The following KANK1 variants were observed in gnomAD, a reference collection of about 807,000 sequenced individuals.
KANK1 encodes the protein KN motif and ankyrin repeat domains 1, also known as KN motif and ankyrin repeat domain-containing protein 1.
KANK1 carries 109 observed loss-of-function variants against 106.2 expected under a neutral mutation model. The observed-to-expected ratio is 1.03, with a 90% CI of 0.88 to 1.20. The LOEUF is 1.20. KANK1 is among the 50% of genes most tolerant of loss of function. The probability of loss-of-function intolerance (pLI) is 0.00; values close to 1 mark genes in which losing one functional copy is unlikely to be tolerated. For synonymous variants in KANK1, 873 were observed against 652.2 expected (o/e 1.34, Z -5.16); for missense variants, 2,399 against 1,710.7 (o/e 1.40, Z -7.10).
At chr9:547,733 C>G (rs1208283383) in intron 1 of KANK1, among the ~76,000 whole-genome samples, 1 of 142,980 alleles carries the variant, frequency 7.0e-6, no homozygotes, top group Non-Finnish European at 1.6e-5. Flanking sequence ...TATGAGCATG[C>G]TTTTCTTGTG....
Position 540,343 on chromosome 9 carries a change from A to G in KANK1, c.-84+35589A>G, listed in dbSNP as rs2060529577. On this transcript the variant is annotated intron_variant, in intron 1 of 11. Transcript: ENST00000382297. ...ACGTGGTATTAGTTAATTTTAATTA[A>G]TTTGCATATGTTGAACCATCTTTGC... Among the ~76,000 whole-genome samples, 2 of 152,186 alleles carry G rather than the reference A, an allele frequency of 1.3e-5. 1 individual carries two copies. The highest frequency in any genetic ancestry group is 1.3e-4 in the Admixed American group (2 of 15,272).
At chr9:739,443 G>T (rs1010194741) in intron 8 of KANK1, among the ~76,000 whole-genome samples, 1 of 152,168 alleles carries the variant, frequency 6.6e-6, no homozygotes, top group Non-Finnish European at 1.5e-5. Context: ...AGAAAGCCAA[G>T]CAGATTTATC....
At chr9:593,923 C>G (rs986056828) in intron 1 of KANK1, among the ~76,000 whole-genome samples, 3 of 151,910 alleles carry the variant, frequency 2.0e-5, no homozygotes, top group Admixed American at 6.6e-5. Context: ...CTTCCCTCCC[C>G]CAGCCATGGG....
intron 8 of KANK1, among the ~76,000 whole-genome samples, chr9:739,078 C>G (rs968196555): frequency 5.3e-5 from 8 of 152,236 alleles, no homozygotes; most frequent in African/African-American, 1.7e-4. Flanking sequence ...TGTCTCTCAA[C>G]CATAATAGAA....
intron 1 of KANK1, among the ~76,000 whole-genome samples, chr9:565,216 C>T (rs568079938): frequency 4.9e-4 from 74 of 152,200 alleles, no homozygotes; most frequent in African/African-American, 1.7e-3. Flanking sequence ...AAGATCTTTC[C>T]CACCCATTCA....
intron 1 of KANK1, among the ~76,000 whole-genome samples, chr9:664,525 G>T (rs1187380000): frequency 6.6e-6 from 1 of 152,024 alleles, no homozygotes; most frequent in Non-Finnish European, 1.5e-5. Context: ...TCAAACTCCT[G>T]GACTCAAGCG....
rs150753716 is a variant in KANK1 at position 581,393 on chromosome 9, C to G, written c.-84+76639C>G. 8.3e-4 allele frequency among the ~76,000 whole-genome samples: 127 copies of G among 152,316 alleles called. 1 individual carries two copies. The highest frequency in any genetic ancestry group is 2.8e-3 in the African/African-American group (118 of 41,578). ...TTCTTTGTGAAATGCTTGCATGATA[C>G]AAGAGCCTTCTCGTAAATCTGTTTT... On this transcript the variant is annotated intron_variant, in intron 1 of 11. Coordinates refer to ENST00000382297, the MANE Select transcript of KANK1 (RefSeq NM_015158.5).
At chr9:505,591 C>A (rs2132613561) in intron 1 of KANK1, among the ~76,000 whole-genome samples, 1 of 152,364 alleles carries the variant, frequency 6.6e-6, no homozygotes, top group East Asian at 1.9e-4. Context: ...TCAGAGGCAA[C>A]TGTTCTTGGT....
chr9:474,124 CTGAG>C (rs2058065561), intron 3 of KANK1, among the ~76,000 whole-genome samples: 1 of 152,284 alleles, frequency 6.6e-6, no homozygotes, highest in Admixed American at 6.5e-5. Flanking sequence ...CCAAGCCTTC[CTGAG>C]TGTCATCAGT....
chr9:488,194 G>T (rs562494877), intron 3 of KANK1, among the ~76,000 whole-genome samples: 1 of 152,262 alleles, frequency 6.6e-6, no homozygotes, highest in Admixed American at 6.5e-5. Flanking sequence ...TATGGTTCTT[G>T]GGTAATGTGT....
Position 745,262 on chromosome 9 carries a change from A to T in KANK1, c.*27A>T. On this transcript the variant is annotated 3_prime_UTR_variant, in exon 12 of 12. Coordinates refer to ENST00000382297, the MANE Select transcript of KANK1 (RefSeq NM_015158.5). ...TGTATGCAAATAGCCCTTTATTTAC[A>T]TGCCACTATTAAGCTGCTAATTGTT... The T allele has an allele frequency of 6.2e-7, 1 of 1,613,804 alleles. No individual in the cohort carries two copies. Among genetic ancestry groups the T allele is most frequent in the Non-Finnish European group, 8.5e-7 (1 of 1,179,724 alleles).
At chr9:545,894 C>G (rs1376834316) in intron 1 of KANK1, among the ~76,000 whole-genome samples, 1 of 151,932 alleles carries the variant, frequency 6.6e-6, no homozygotes, top group Non-Finnish European at 1.5e-5. Context: ...TACAGGCATG[C>G]ACCACCATGC....
intron 3 of KANK1, among the ~76,000 whole-genome samples, chr9:718,196 T>G (rs1482344910): frequency 6.6e-6 from 1 of 151,982 alleles, no homozygotes; most frequent in Non-Finnish European, 1.5e-5. Context: ...ATCCAAGTGT[T>G]TCTGGGACCC....
chr9:505,344 C>T (rs1368875721), intron 1 of KANK1, among the ~76,000 whole-genome samples: 2 of 152,030 alleles, frequency 1.3e-5, no homozygotes, highest in East Asian at 1.9e-4. Context: ...GGCTGGAGGG[C>T]GGGGAGGCGG....
intron 2 of KANK1, among the ~76,000 whole-genome samples, chr9:690,954 C>T (rs1228627177): frequency 1.3e-5 from 2 of 152,190 alleles, no homozygotes; most frequent in African/African-American, 2.4e-5. Context: ...AGTATATCTT[C>T]ATCTTCCCAC....
intron 3 of KANK1, among the ~76,000 whole-genome samples, chr9:492,943 G>A (rs577768663): frequency 1.3e-5 from 2 of 150,590 alleles, no homozygotes; most frequent in Non-Finnish European, 2.9e-5. Context: ...AGAATCACTT[G>A]AACTCAGGAG....
At chr9:566,619 G>A (rs769490046) in intron 1 of KANK1, among the ~76,000 whole-genome samples, 1 of 152,152 alleles carries the variant, frequency 6.6e-6, no homozygotes, top group Non-Finnish European at 1.5e-5. Context: ...GTAATGTTGA[G>A]CTTTTTTTCC....
rs141103721 is a variant in KANK1, at chr9:711,891, A to T, written c.1125A>T (p.Gln375His). 7.4e-6 allele frequency: 12 copies of T among 1,614,192 alleles called. No individual in the cohort carries two copies. The highest frequency in any genetic ancestry group is 1.3e-5 in the African/African-American group (1 of 75,034). Reference protein sequence around the residue: ...KEFRQLTADMQALEQKIQDSS... With the variant: ...KEFRQLTADMHALEQKIQDSS... ...TCCGGCAACTTACAGCAGACATGCA[A>T]GCCCTGGAGCAGAAGATCCAGGACA... is the stretch of plus-strand genomic sequence containing the variant. Residue 375 changes from glutamine to histidine, a missense_variant, in exon 3 of 12, where the codon CAA (glutamine) becomes CAT (histidine). Gln to His is a conservative substitution (Grantham distance 24). Transcript: ENST00000382297.
At chr9:577,286 A>G (rs1414762131) in intron 1 of KANK1, among the ~76,000 whole-genome samples, 1 of 152,062 alleles carries the variant, frequency 6.6e-6, no homozygotes, top group East Asian at 1.9e-4. Context: ...CATTTTACAG[A>G]GAGCTGATTG....
Sources: gnomAD v4.1 joint callset for allele counts (sites outside exome capture counted in the v4.1 genomes callset) on GRCh38, gnomAD v4.1.1 for gene constraint, MANE v1.5 for transcripts, NCBI Gene and HGNC (gene_info 2026-07-23, HGNC 2026-07-21) for gene names.